The following LAP3 variants were observed in gnomAD, a reference collection of about 807,000 sequenced individuals.
LAP3 encodes the protein cytosol aminopeptidase.
Under a neutral mutation model 58.8 loss-of-function variants are expected in LAP3, and 46 were observed. The ratio of observed to expected loss-of-function variants is 0.78; its 90% confidence interval spans 0.62 to 1.00. The LOEUF (loss-of-function observed/expected upper bound fraction) is 1.00. LAP3 is among the 50% of genes least tolerant of loss of function. The probability of loss-of-function intolerance (pLI) is 0.00; values close to 1 mark genes in which losing one functional copy is unlikely to be tolerated. For synonymous variants in LAP3, 257 were observed against 237.7 expected (o/e 1.08, Z -0.75); for missense variants, 615 against 659.1 (o/e 0.93, Z 0.73).
chr4:17,578,535 T>A (rs1253052217), intron 1 of LAP3, among the ~76,000 whole-genome samples: 1 of 92,954 alleles, frequency 1.1e-5, no homozygotes, highest in Admixed American at 1.3e-4. Flanking sequence ...GGATTCTCAC[T>A]CAGTCCTACC....
At chr4:17,583,914 G>A (rs1713434198) in intron 5 of LAP3, among the ~76,000 whole-genome samples, 1 of 152,240 alleles carries the variant, frequency 6.6e-6, no homozygotes, top group Non-Finnish European at 1.5e-5. Flanking sequence ...TACCTGAGAG[G>A]GAGGAATGAC....
rs747630286 is a variant in LAP3, at chr4:17,579,956, G to T, written c.218+17G>T. 7.0e-7 allele frequency: 1 copy of T among 1,432,418 alleles called. No homozygotes were observed. Among genetic ancestry groups the T allele is most frequent in the Non-Finnish European group, 9.8e-7 (1 of 1,023,054 alleles). The allele number at this position is 1,432,418 out of a possible 1,614,324, so 88.7% of individuals were successfully genotyped here. On this transcript the variant is annotated intron_variant, in intron 2 of 12. Coordinates refer to ENST00000226299, the MANE Select transcript of LAP3 (RefSeq NM_015907.3). ...TTTGAACATGTAAGTGTTGCTTGTG[G>T]GCTCTAGTTCTTAAAGTGCCCCCAA...
chr4:17,598,081 A>G (rs1218551878), intron 9 of LAP3, among the ~76,000 whole-genome samples: 1 of 152,208 alleles, frequency 6.6e-6, no homozygotes, highest in Non-Finnish European at 1.5e-5. Context: ...GGTAAAATGG[A>G]CTAGACATTT....
In LAP3 at chr4:17,586,483, A is replaced by G. The variant is rs569166733; in HGVS notation, c.704+1347A>G. Among the ~76,000 whole-genome samples the G allele has an allele frequency of 4.6e-5, 7 of 152,344 alleles. No individual in the cohort carries two copies. In the South Asian group the frequency reaches 1.2e-3, roughly 27 times the overall value. The stretch of plus-strand genomic sequence containing the variant: ...AGCAATGTTTAGGTTCTATAAAAGT[A>G]TCTTTTTGGTCACCAAATAGTGGTT... On this transcript the variant is annotated intron_variant, in intron 6 of 12. Transcript: ENST00000226299.
chr4:17,596,341 T>C lies in LAP3; in HGVS notation c.989-705T>C, dbSNP rs545085335. ...TTTATTTATATTTAGGTTTTTTTGG[T>C]TTTTTGGTTTTTTTTGAGATGGAGT... is the stretch of plus-strand genomic sequence containing the variant. On this transcript the variant is annotated intron_variant, in intron 8 of 12. Transcript: ENST00000226299. Among the ~76,000 whole-genome samples, 7 of 151,944 alleles carry C rather than the reference T, an allele frequency of 4.6e-5. No individual in the cohort carries two copies. The South Asian group carries it at 8.3e-4, about 18-fold the overall frequency.
In LAP3 at chr4:17,588,818, G is replaced by C. The variant is rs1713598989; in HGVS notation, c.705-1G>C. 6.2e-7 allele frequency: 1 copy of C among 1,613,106 alleles called. No individual in the cohort carries two copies. The highest frequency in any genetic ancestry group is 8.5e-7 in the Non-Finnish European group (1 of 1,179,506). ...ACTTTTTCCCTCTTTCTACCCTATAGACCCAAGTCTTGGATTGAGGAACAG... is the reference window on the plus strand; with the variant it reads ...ACTTTTTCCCTCTTTCTACCCTATACACCCAAGTCTTGGATTGAGGAACAG... On this transcript the variant is annotated splice_acceptor_variant, in intron 6 of 12. Coordinates refer to ENST00000226299, the MANE Select transcript of LAP3 (RefSeq NM_015907.3). LOFTEE classifies it high-confidence loss of function.
intron 6 of LAP3, among the ~76,000 whole-genome samples, chr4:17,588,121 G>A (rs1713577005): frequency 6.6e-6 from 1 of 151,974 alleles, no homozygotes; most frequent in Admixed American, 6.6e-5. Flanking sequence ...TTGACCTCTA[G>A]GGCTCAAGCG....
Position 17,606,843 on chromosome 4 carries a change from A to G in LAP3, c.1275A>G (p.Thr425=), listed in dbSNP as rs1290823885. ...CTGTTCTCTAGGCCAGCATTGAAAC[A>G]GGGGACCGTGTCTGGAGGATGCCTC... ...WNKLFEASIE[T]GDRVWRMPLF... Residue 425 remains threonine (T), a synonymous_variant, in exon 12 of 13, where the codon ACA becomes ACG. Transcript: ENST00000226299. 3 of 1,611,296 alleles carry G rather than the reference A, an allele frequency of 1.9e-6. No individual in the cohort carries two copies. Among genetic ancestry groups the G allele is most frequent in the Non-Finnish European group, 2.5e-6 (3 of 1,179,280 alleles).
Position 17,577,430 on chromosome 4 carries a change from T to A in LAP3, c.-36T>A. On this transcript the variant is annotated 5_prime_UTR_variant, in exon 1 of 13. Transcript: ENST00000226299. Reference sequence around the variant, plus strand: ...CGCCCGCCCACCGCTCTCCACGTGCTCGCTGGAGGGCGGTGCGAGGGGCCG... The same window carrying A: ...CGCCCGCCCACCGCTCTCCACGTGCACGCTGGAGGGCGGTGCGAGGGGCCG... 6.7e-7 allele frequency: 1 copy of A among 1,483,594 alleles called. No individual in the cohort carries two copies. Among genetic ancestry groups the A allele is most frequent in the Non-Finnish European group, 9.1e-7 (1 of 1,104,018 alleles). 91.9% of individuals were successfully genotyped at this position (1,483,594 alleles called of 1,614,324 possible).
At chr4:17,589,221 C>G (rs1452996811) in intron 7 of LAP3, among the ~76,000 whole-genome samples, 1 of 151,968 alleles carries the variant, frequency 6.6e-6, no homozygotes, top group Non-Finnish European at 1.5e-5. Flanking sequence ...CCACCACACC[C>G]AGCTAATTTT....
intron 10 of LAP3, among the ~76,000 whole-genome samples, chr4:17,600,975 T>C (rs1310353975): frequency 6.6e-6 from 1 of 152,224 alleles, no homozygotes; most frequent in Non-Finnish European, 1.5e-5. Flanking sequence ...TCATAGACAC[T>C]GAAACAGATG....
intron 3 of LAP3, 26 bp downstream of exon 3, chr4:17,581,840 T>G: frequency 6.3e-7 from 1 of 1,594,950 alleles, no homozygotes; most frequent in Non-Finnish European, 8.6e-7. Flanking sequence ...GATCATTTGG[T>G]AAACCCTCAA....
Position 17,579,804 on chromosome 4 carries a change from C to A in LAP3, c.103-20C>A. ...ATCTACTCTAATTCTATTATATTTA[C>A]GTTTTTTGCTTATTCCCAGGGCCTT... On this transcript the variant is annotated intron_variant, in intron 1 of 12. Transcript: ENST00000226299. 1.4e-6 allele frequency: 2 copies of A among 1,385,668 alleles called. No individual in the cohort carries two copies. Among genetic ancestry groups the A allele is most frequent in the Non-Finnish European group, 2.0e-6 (2 of 979,932 alleles). 85.8% of individuals were successfully genotyped at this position (1,385,668 alleles called of 1,614,324 possible).
intron 6 of LAP3, chr4:17,586,341 T>G (rs1577220337): frequency 6.6e-6 from 1 of 152,202 alleles, no homozygotes; most frequent in East Asian, 1.9e-4. Context: ...AGAGTTCGTG[T>G]TTTTCAGGAA....
At chr4:17,590,110 G>T (rs532631239) in intron 7 of LAP3, among the ~76,000 whole-genome samples, 8 of 152,244 alleles carry the variant, frequency 5.3e-5, no homozygotes, top group African/African-American at 1.9e-4. Flanking sequence ...AAAAAACTAG[G>T]TTAGAGAAAC....
At chr4:17,595,051 C>T (rs1453002095) in intron 7 of LAP3, among the ~76,000 whole-genome samples, 1 of 151,842 alleles carries the variant, frequency 6.6e-6, no homozygotes, top group Admixed American at 6.5e-5. Context: ...GTAATCCCAG[C>T]ACTTTGGGAG....
chr4:17,596,630 C>T (rs938115851), intron 8 of LAP3, among the ~76,000 whole-genome samples: 4 of 152,174 alleles, frequency 2.6e-5, no homozygotes, highest in East Asian at 1.9e-4. Flanking sequence ...TGAGCCACCG[C>T]GCCTGGCCTA....
In LAP3 at chr4:17,577,384, C is replaced by T; in HGVS notation, c.-82C>T. The stretch of plus-strand genomic sequence containing the variant: ...GTCCGCGCGCACGCCGTCTGCGCCC[C>T]GAAAGCCCCGCCCCAAGGCGCGCCC... On this transcript the variant is annotated 5_prime_UTR_variant, in exon 1 of 13. It introduces an in-frame stop codon into an upstream open reading frame of the 5' UTR. Transcript: ENST00000226299. The T allele has an allele frequency of 9.0e-7, 1 of 1,113,616 alleles. No individual in the cohort carries two copies. The highest frequency in any genetic ancestry group is 1.2e-6 in the Non-Finnish European group (1 of 821,818). The allele number at this position is 1,113,616 out of a possible 1,614,324, so 69.0% of individuals were successfully genotyped here.
intron 4 of LAP3, 123 bp from the exon 5 acceptor site, chr4:17,583,360 G>A: frequency 3.1e-6 from 3 of 964,520 alleles, no homozygotes; most frequent in Admixed American, 4.4e-5. Flanking sequence ...GAACATTCGG[G>A]TATCAGGGCT....
Sources: gnomAD v4.1 joint callset for allele counts (sites outside exome capture counted in the v4.1 genomes callset) on GRCh38, gnomAD v4.1.1 for gene constraint, MANE v1.5 for transcripts, NCBI Gene and HGNC (gene_info 2026-07-23, HGNC 2026-07-21) for gene names.